The following AKAP9 variants were observed in gnomAD, a reference collection of about 807,000 sequenced individuals.
AKAP9 encodes A-kinase anchor protein 9.
A neutral mutation model predicts 488.5 loss-of-function variants in AKAP9; 311 were observed. The ratio of observed to expected loss-of-function variants is 0.64; its 90% CI spans 0.58 to 0.70. The LOEUF (loss-of-function observed/expected upper bound fraction) is 0.70. Ranked by LOEUF, AKAP9 falls within the 30% of genes least tolerant of loss-of-function variation. The pLI, the probability that AKAP9 is intolerant of heterozygous loss-of-function variation, is 0.00. For missense variants in AKAP9, 4,215 were observed against 4,374.5 expected (o/e 0.96, Z 1.03); for synonymous variants, 1,462 against 1,483.5 (o/e 0.99, Z 0.33).
intron 21 of AKAP9, among the ~76,000 whole-genome samples, chr7:92,045,519 A>G (rs1165104937): frequency 4.6e-5 from 7 of 152,188 alleles, no homozygotes; most frequent in Non-Finnish European, 8.8e-5. Context: ...TCTTACCAGT[A>G]TCTGTGAGGT....
At chr7:91,973,449 C>G (rs559194042) in intron 1 of AKAP9, among the ~76,000 whole-genome samples, 1 of 152,260 alleles carries the variant, frequency 6.6e-6, no homozygotes, top group Admixed American at 6.5e-5. Context: ...TTCCCTTATT[C>G]TGCCTAATTC....
intron 6 of AKAP9, 26 bp from the exon 7 acceptor site, chr7:91,995,577 G>A (rs1192356112): frequency 1.9e-6 from 3 of 1,607,402 alleles, no homozygotes; most frequent in Non-Finnish European, 1.7e-6. Context: ...AGAATTTAAC[G>A]TTTTGAGGTT....
chr7:91,962,709 C>A (rs1793870656), intron 1 of AKAP9, among the ~76,000 whole-genome samples: 1 of 152,070 alleles, frequency 6.6e-6, no homozygotes, highest in African/African-American at 2.4e-5. Flanking sequence ...AATTTAATGT[C>A]CTTAAAAGTG....
At chr7:92,083,813 C>T (rs915105309) in intron 33 of AKAP9, 158 bp downstream of exon 33, 4 of 689,236 alleles carry the variant, frequency 5.8e-6, no homozygotes, top group African/African-American at 3.6e-5. Flanking sequence ...TTTTAAACTC[C>T]TAGTACAATA....
intron 28 of AKAP9, among the ~76,000 whole-genome samples, chr7:92,074,485 C>G (rs1436781007): frequency 6.6e-6 from 1 of 152,136 alleles, no homozygotes; most frequent in African/African-American, 2.4e-5. Context: ...CCAGAAATAC[C>G]TTTTGACCCA....
chr7:92,006,390 A>G (rs566590863), intron 8 of AKAP9, among the ~76,000 whole-genome samples: 28 of 152,116 alleles, frequency 1.8e-4, no homozygotes, highest in Admixed American at 1.0e-3. Flanking sequence ...GGCTTAAATG[A>G]TCTTCTTGCC....
At chr7:92,061,535 AAAAGTACTTGTGGTTTATCTTC>A (rs1181653147) in intron 23 of AKAP9, 113 bp downstream of exon 23, 9 of 1,090,674 alleles carry the variant, frequency 8.3e-6, no homozygotes, top group Admixed American at 6.7e-5. Flanking sequence ...ATGACCATTA[AAAAGTACTTGTGGTTTATCTTC>A]AGAGTTCCTC....
chr7:92,083,548 A>G lies in AKAP9; in HGVS notation c.8539A>G (p.Ile2847Val). ...AATTTTGGACATGGAATCCAGACATATTTCAGAAACTGAAACCTTAAAGAG... is the reference window on the plus strand; with the variant it reads ...AATTTTGGACATGGAATCCAGACATGTTTCAGAAACTGAAACCTTAAAGAG... ...AEILDMESRH[I>V]SETETLKREH... Residue 2847 changes from isoleucine (I) to valine (V), a missense_variant, in exon 33 of 50, where the codon ATT becomes GTT. Around this residue, in one of 5 missense-constraint regions of AKAP9, gnomAD observed 1,476 missense variants for 1,477.4 expected, o/e 1.00. Coordinates refer to ENST00000356239, the MANE Select transcript of AKAP9 (RefSeq NM_005751.5). 1 of 1,601,318 alleles carries G rather than the reference A, an allele frequency of 6.2e-7. No individual in the cohort carries two copies. The highest frequency in any genetic ancestry group is 1.1e-5 in the South Asian group (1 of 88,572).
Position 92,100,951 on chromosome 7 carries a change from A to G in AKAP9, c.10992A>G (p.Lys3664=), listed in dbSNP as rs1384678812. 6.2e-7 allele frequency: 1 copy of G among 1,614,166 alleles called. No homozygotes were observed. The highest frequency in any genetic ancestry group is 1.7e-5 in the Admixed American group (1 of 60,024). Residue 3664 remains lysine, a synonymous_variant, in exon 45 of 50, where the codon AAA becomes AAG. Transcript: ENST00000356239. ...VWNREKLTLQ[K]SLKRAEAEVY... Reference sequence around the variant, plus strand: ...ACAGAGAAAAATTGACTCTCCAGAAATCTTTGAAAAGGGCAGAGGCTGAAG... The same window carrying G: ...ACAGAGAAAAATTGACTCTCCAGAAGTCTTTGAAAAGGGCAGAGGCTGAAG...
At position 92,096,380 on chromosome 7, in the gene AKAP9, G is replaced by C. The variant is rs112060331; in HGVS notation, c.9730-309G>C. Among the ~76,000 whole-genome samples, 8,422 of 140,936 alleles carry C rather than the reference G, an allele frequency of 0.06. 340 individuals carry two copies. Among genetic ancestry groups the C allele is most frequent in the Middle Eastern group, 0.12 (30 of 250 alleles). The allele number at this position is 140,936 out of a possible 152,430, so 92.5% of individuals were successfully genotyped here. ...TCAAAAGTCTCACTCTGTTGCTCAC[G>C]CTGGAGGGCAGTGGTGCAATCTAGG... On this transcript the variant is annotated intron_variant, in intron 40 of 49. Transcript: ENST00000356239.
intron 16 of AKAP9, among the ~76,000 whole-genome samples, chr7:92,035,376 G>A (rs1178546114): frequency 6.6e-6 from 1 of 151,912 alleles, no homozygotes. Context: ...GGTCTTTTCT[G>A]GGTGAAAGCT....
In AKAP9 at chr7:92,086,247, C is replaced by T; in HGVS notation, c.9044C>T (p.Ser3015Phe). The T allele has an allele frequency of 1.2e-6, 2 of 1,614,006 alleles. No homozygotes were observed. The highest frequency in any genetic ancestry group is 1.3e-5 in the African/African-American group (1 of 75,044). ...TGCTAGGTTTATGATAGTTCTCAAT[C>T]TCATGAGAGCTTCTCAGACTGGCGA... ...REAEVYDSSQ[S>F]HESFSDWRGE... The change falls in exon 37 of 50, where the codon TCT (serine) becomes TTT (phenylalanine). Residue 3015 changes from serine to phenylalanine, a missense_variant. Ser to Phe is a radical substitution (Grantham distance 155). This residue lies in a region of AKAP9 where 1,476 missense variants were observed against 1,477.4 expected (regional missense o/e 1.00). Transcript: ENST00000356239.
At chr7:91,969,852 T>C (rs1408611382) in intron 1 of AKAP9, among the ~76,000 whole-genome samples, 3 of 152,204 alleles carry the variant, frequency 2.0e-5, no homozygotes, top group African/African-American at 7.2e-5. Context: ...CTTACTTCTG[T>C]ATTCATTCAG....
In AKAP9 at chr7:92,079,142, G is replaced by T; in HGVS notation, c.7009G>T (p.Asp2337Tyr). The part of the protein sequence containing the change: ...LETQIECLMS[D>Y]QECVKRNREE... Reference sequence around the variant, plus strand: ...AACCCAAATAGAATGTTTGATGAGTGATCAAGAATGTGTGAAGAGAAATAG... The same window carrying T: ...AACCCAAATAGAATGTTTGATGAGTTATCAAGAATGTGTGAAGAGAAATAG... The change falls in exon 31 of 50, where the codon GAT becomes TAT. Residue 2337 changes from aspartate (D) to tyrosine (Y), a missense_variant. Physicochemically the swap from Asp to Tyr is radical, Grantham distance 160. This residue lies in a region of AKAP9 where 1,476 missense variants were observed against 1,477.4 expected (regional missense o/e 1.00). Coordinates refer to ENST00000356239, the MANE Select transcript of AKAP9 (RefSeq NM_005751.5). 2 of 1,613,702 alleles carry T rather than the reference G, an allele frequency of 1.2e-6. No individual in the cohort carries two copies. The highest frequency in any genetic ancestry group is 2.2e-5 in the South Asian group (2 of 90,954).
At chr7:92,080,790 C>G (rs1033167802) in intron 31 of AKAP9, among the ~76,000 whole-genome samples, 2 of 152,082 alleles carry the variant, frequency 1.3e-5, no homozygotes, top group Non-Finnish European at 1.5e-5. Context: ...TGATTAGTTA[C>G]AGTTAGGTGT....
intron 28 of AKAP9, among the ~76,000 whole-genome samples, chr7:92,072,816 T>C (rs1205488429): frequency 6.6e-6 from 1 of 152,208 alleles, no homozygotes; most frequent in African/African-American, 2.4e-5. Context: ...CCTATCTAAT[T>C]AGACAGTACT....
chr7:92,089,906 T>A, intron 38 of AKAP9: 1 of 175,186 alleles, frequency 5.7e-6, no homozygotes, highest in South Asian at 1.3e-4. Context: ...TTTAAAAAAA[T>A]TGTGAGCCAT....
At chr7:91,941,346 C>T (rs1462707897) in intron 1 of AKAP9, among the ~76,000 whole-genome samples, 199 bp downstream of exon 1, 3 of 152,244 alleles carry the variant, frequency 2.0e-5, no homozygotes, top group African/African-American at 7.2e-5. Context: ...CTTGTGCTAG[C>T]TGATAATACT....
At chr7:91,942,512 C>T (rs1790900040) in intron 1 of AKAP9, among the ~76,000 whole-genome samples, 1 of 152,166 alleles carries the variant, frequency 6.6e-6, no homozygotes, top group Non-Finnish European at 1.5e-5. Flanking sequence ...TGAGCAAGCT[C>T]TATGCATCTA....
Sources: allele counts gnomAD v4.1 joint callset (sites outside exome capture counted in the v4.1 genomes callset), GRCh38; gene constraint gnomAD v4.1.1; regional missense constraint gnomAD v4.1.1; transcripts MANE v1.5; gene names NCBI Gene and HGNC (gene_info 2026-07-23, HGNC 2026-07-21).